Variants in SASH1 observed in about 807,000 individuals in gnomAD.
The protein encoded by SASH1 is SAM and SH3 domain-containing protein 1.
A neutral mutation model predicts 125.2 loss-of-function variants in SASH1; 44 were observed. That is an observed-to-expected ratio of 0.35 (90% CI 0.28 to 0.45). SASH1 has a LOEUF of 0.45. Ranked by LOEUF, SASH1 falls within the 20% of genes least tolerant of loss-of-function variation. The pLI, the probability that SASH1 is intolerant of heterozygous loss-of-function variation, is 1.00. For synonymous variants in SASH1, 639 were observed against 649.1 expected, an observed-to-expected ratio of 0.98 and a Z score of 0.24; for missense variants, 1,426 against 1,614.5, an observed-to-expected ratio of 0.88 and a Z score of 2.00.
At chr6:148,368,766 G>GCACACACACACA (rs1554245301) in intron 1 of SASH1, among the ~76,000 whole-genome samples, 1 of 12,110 alleles carries the variant, frequency 8.3e-5, no homozygotes. Flanking sequence ...GCGCGCACGC[G>GCACACACACACA]CGCGCACACA....
intron 9 of SASH1, among the ~76,000 whole-genome samples, chr6:148,517,729 C>G (rs772623869): frequency 1.3e-5 from 2 of 152,212 alleles, no homozygotes; most frequent in Non-Finnish European, 2.9e-5. Flanking sequence ...CATGGACATG[C>G]GTGCACCAGC....
At chr6:148,291,335 T>C (rs1306336074) in intron 1 of SASH1, among the ~76,000 whole-genome samples, 1 of 152,202 alleles carries the variant, frequency 6.6e-6, no homozygotes, top group Non-Finnish European at 1.5e-5. Flanking sequence ...ATCCCATAAA[T>C]ATGTTCAATT....
chr6:148,386,728 C>T lies in SASH1; in HGVS notation c.157-3406C>T, dbSNP rs115515294. 4.4e-3 allele frequency among the ~76,000 whole-genome samples: 672 copies of T among 152,250 alleles called. 4 individuals carry two copies. Among genetic ancestry groups the T allele is most frequent in the African/African-American group, 0.015 (641 of 41,542 alleles). On this transcript the variant is annotated intron_variant, in intron 1 of 19. Transcript: ENST00000367467. ...AGAGCCCAGGATCTTCCAGGGTCCCCGGTTGTGATAGGGATCAGATCTGTA... is the reference window on the plus strand; with the variant it reads ...AGAGCCCAGGATCTTCCAGGGTCCCTGGTTGTGATAGGGATCAGATCTGTA...
chr6:148,497,897 C>G (rs1202736564), intron 8 of SASH1, among the ~76,000 whole-genome samples: 1 of 152,060 alleles, frequency 6.6e-6, no homozygotes, highest in African/African-American at 2.4e-5. Flanking sequence ...AATCTAGGGC[C>G]CTACAGTGCT....
chr6:148,296,692 T>A (rs1282795722), intron 1 of SASH1, among the ~76,000 whole-genome samples: 1 of 152,106 alleles, frequency 6.6e-6, no homozygotes, highest in Non-Finnish European at 1.5e-5. Context: ...CCTAAACTTG[T>A]TTATCTAGAG....
At chr6:148,270,453 A>G (rs1779036258), upstream of SASH1, among the ~76,000 whole-genome samples, 1 of 152,208 alleles carries the variant, frequency 6.6e-6, no homozygotes, top group African/African-American at 2.4e-5. Context: ...CAGAATTAAA[A>G]TTGGGGAGTT....
chr6:148,487,751 A>G (rs779417438), intron 8 of SASH1, 36 bp downstream of exon 8: 5 of 1,426,622 alleles, frequency 3.5e-6, no homozygotes, highest in Non-Finnish European at 4.9e-6. Context: ...TTGATCACCT[A>G]CGCCGATAAG....
At chr6:148,219,341 A>G in the SASH1 span, among the ~76,000 whole-genome samples, 1 of 151,916 alleles carries the variant, frequency 6.6e-6, no homozygotes, top group African/African-American at 2.4e-5. Flanking sequence ...CTATTTTCTC[A>G]TCCACCCTGC....
intron 2 of SASH1, among the ~76,000 whole-genome samples, chr6:148,422,018 T>C (rs1490951529): frequency 6.6e-6 from 1 of 152,210 alleles, no homozygotes; most frequent in Non-Finnish European, 1.5e-5. Context: ...GTCCAACTTC[T>C]CTACCAGGTA....
At chr6:148,416,853 C>T (rs1191236156) in intron 2 of SASH1, among the ~76,000 whole-genome samples, 2 of 152,168 alleles carry the variant, frequency 1.3e-5, no homozygotes, top group African/African-American at 4.8e-5. Context: ...GCAGGAGAGA[C>T]CAGCCTGAAT....
intron 1 of SASH1, among the ~76,000 whole-genome samples, chr6:148,383,361 C>T (rs1406210197): frequency 6.6e-6 from 1 of 151,956 alleles, no homozygotes; most frequent in African/African-American, 2.4e-5. Flanking sequence ...ATCCATCCCT[C>T]TTCAAACAAG....
At chr6:148,505,755 A>AGGCATGT (rs1779764751) in intron 8 of SASH1, among the ~76,000 whole-genome samples, 1 of 151,794 alleles carries the variant, frequency 6.6e-6, no homozygotes, top group South Asian at 2.1e-4. Flanking sequence ...CTCCTGCTTC[A>AGGCATGT]GCCCCCTGGG....
intron 4 of SASH1, among the ~76,000 whole-genome samples, chr6:148,452,933 T>C (rs1233020774): frequency 1.3e-5 from 2 of 152,262 alleles, no homozygotes; most frequent in Non-Finnish European, 2.9e-5. Flanking sequence ...AGCAATGCGC[T>C]GAAGCGTGCG....
intron 1 of SASH1, among the ~76,000 whole-genome samples, chr6:148,350,136 C>A (rs545321598): frequency 2.0e-5 from 3 of 152,228 alleles, no homozygotes; most frequent in African/African-American, 7.2e-5. Context: ...TGAGCCACCG[C>A]GCCCGGCAGA....
chr6:148,539,122 T>G (rs1052261769), intron 16 of SASH1, among the ~76,000 whole-genome samples: 2 of 152,104 alleles, frequency 1.3e-5, no homozygotes, highest in African/African-American at 4.8e-5. Flanking sequence ...CCAGCTTTGT[T>G]GAGGCACAGT....
chr6:148,448,926 C>T (rs1367414560), intron 4 of SASH1, among the ~76,000 whole-genome samples: 1 of 152,138 alleles, frequency 6.6e-6, no homozygotes, highest in Non-Finnish European at 1.5e-5. Flanking sequence ...ACTTTTTCAT[C>T]ATGCTGTCCT....
At chr6:148,369,986 A>AT (rs1215322819) in intron 1 of SASH1, among the ~76,000 whole-genome samples, 3 of 146,148 alleles carry the variant, frequency 2.1e-5, no homozygotes, top group Non-Finnish European at 3.0e-5. Flanking sequence ...AAAAAAAAAA[A>AT]GGAAAGAAAA....
At chr6:148,538,000 C>G (rs1781969237) in intron 16 of SASH1, among the ~76,000 whole-genome samples, 1 of 152,082 alleles carries the variant, frequency 6.6e-6, no homozygotes, top group African/African-American at 2.4e-5. Context: ...CCTTTTGTAC[C>G]TTGGCACCCA....
rs139527727 is a variant in SASH1 at position 148,535,632 on chromosome 6, T to G, written c.2095+731T>G. ...TACAGCCTGTGAGCAGAATCATCAC[T>G]GAGCTCACAGCTTTTATGAAGTCTG... is the stretch of plus-strand genomic sequence containing the variant. On this transcript the variant is annotated intron_variant, in intron 16 of 19. Transcript: ENST00000367467. 3.7e-3 allele frequency among the ~76,000 whole-genome samples: 564 copies of G among 152,350 alleles called. 4 individuals carry two copies. The highest frequency in any genetic ancestry group is 0.013 in the African/African-American group (535 of 41,570).
Sources: gnomAD v4.1 joint callset for allele counts (sites outside exome capture counted in the v4.1 genomes callset) on GRCh38, gnomAD v4.1.1 for gene constraint, MANE v1.5 for transcripts, NCBI Gene and HGNC (gene_info 2026-07-23, HGNC 2026-07-21) for gene names.